Variants in ADGRA3 observed in about 807,000 individuals in gnomAD.
The protein encoded by ADGRA3 is G-protein coupled receptor 125.
In ADGRA3, 56 loss-of-function variants were observed where a neutral mutation model predicts 119.8. The observed-to-expected ratio is 0.47, with a 90% confidence interval of 0.38 to 0.58. The LOEUF is 0.58. Among genes scored for constraint, ADGRA3 ranks in the 20% least tolerant of loss-of-function variants. The pLI, the probability that ADGRA3 is intolerant of heterozygous loss-of-function variation, is 0.00. For synonymous variants in ADGRA3, 607 were observed against 623.8 expected (o/e 0.97, Z 0.40); for missense variants, 1,516 against 1,649.0 (o/e 0.92, Z 1.40).
At chr4:22,472,879 T>C (rs1717904423) in intron 2 of ADGRA3, 1 of 152,158 alleles carries the variant, frequency 6.6e-6, no homozygotes, top group South Asian at 2.1e-4. Flanking sequence ...TTATCCTAAA[T>C]GCATGAGTTA....
chr4:22,450,260 T>A (rs1331713883), intron 4 of ADGRA3, among the ~76,000 whole-genome samples: 1 of 149,964 alleles, frequency 6.7e-6, no homozygotes, highest in Non-Finnish European at 1.5e-5. Context: ...CCCCATCCTT[T>A]ATGCTTCTTT....
intron 4 of ADGRA3, among the ~76,000 whole-genome samples, chr4:22,449,071 G>C (rs1462612967): frequency 6.6e-6 from 1 of 152,036 alleles, no homozygotes; most frequent in African/African-American, 2.4e-5. Context: ...GGGAGTTTGA[G>C]ACCAGCCTGG....
At chr4:22,426,633 T>C (rs1053669243) in intron 10 of ADGRA3, among the ~76,000 whole-genome samples, 2 of 152,204 alleles carry the variant, frequency 1.3e-5, no homozygotes, top group African/African-American at 2.4e-5. Context: ...GTGATTTAGA[T>C]TGTGATAACT....
intron 2 of ADGRA3, among the ~76,000 whole-genome samples, chr4:22,468,768 C>CA (rs534557483): frequency 0.018 from 1,922 of 104,226 alleles, 51 homozygotes; most frequent in African/African-American, 0.059. Flanking sequence ...GACTCTGTCT[C>CA]AAAAAAAAAA....
intron 1 of ADGRA3, among the ~76,000 whole-genome samples, chr4:22,495,561 G>C (rs1440610281): frequency 6.6e-6 from 1 of 152,030 alleles, no homozygotes; most frequent in Non-Finnish European, 1.5e-5. Context: ...CCTGGATAAA[G>C]TGACTTCCAG....
chr4:22,484,442 TAAG>T (rs1158080761), intron 1 of ADGRA3, among the ~76,000 whole-genome samples: 3 of 151,944 alleles, frequency 2.0e-5, no homozygotes, highest in Admixed American at 6.6e-5. Flanking sequence ...CCGTCTCTAC[TAAG>T]AATACAAAAA....
In ADGRA3 at chr4:22,515,995, C is replaced by T. The variant is rs1719657164; in HGVS notation, c.-211G>A. On this transcript the variant is annotated 5_prime_UTR_variant, in exon 1 of 19. Coordinates refer to ENST00000334304, the MANE Select transcript of ADGRA3 (RefSeq NM_145290.4). Reference sequence around the variant, plus strand: ...AGCCGGGGGTCACGGCCGCATGGGTCCCAGCGCCGCTCTACCGCCCGGCGC... The same window carrying T: ...AGCCGGGGGTCACGGCCGCATGGGTTCCAGCGCCGCTCTACCGCCCGGCGC... 1 of 164,686 alleles carries T rather than the reference C, an allele frequency of 6.1e-6. No individual in the cohort carries two copies. The highest frequency in any genetic ancestry group is 6.6e-5 in the Admixed American group (1 of 15,200). The allele number at this position is 164,686 out of a possible 1,614,324, so 10.2% of individuals were successfully genotyped here. A position where few individuals can be genotyped will look rare whatever the true frequency, so the allele number is the denominator to read the frequency against.
intron 12 of ADGRA3, among the ~76,000 whole-genome samples, chr4:22,415,002 T>C (rs909055948): frequency 5.9e-5 from 9 of 151,384 alleles, no homozygotes; most frequent in East Asian, 5.8e-4. Flanking sequence ...CCTCAGTATA[T>C]TGCATCTTCA....
intron 17 of ADGRA3, among the ~76,000 whole-genome samples, chr4:22,391,198 C>G (rs1714122248): frequency 6.6e-6 from 1 of 152,130 alleles, no homozygotes; most frequent in South Asian, 2.1e-4. Context: ...TCTCCTGCTC[C>G]TCCTAGACAA....
intron 14 of ADGRA3, among the ~76,000 whole-genome samples, chr4:22,406,685 A>C (rs905530549): frequency 1.3e-5 from 2 of 152,008 alleles, no homozygotes; most frequent in African/African-American, 4.8e-5. Flanking sequence ...GTTCCTTATT[A>C]TTCTGTTATT....
chr4:22,501,984 G>C (rs1719063165), intron 1 of ADGRA3, among the ~76,000 whole-genome samples: 1 of 151,932 alleles, frequency 6.6e-6, no homozygotes, highest in African/African-American at 2.4e-5. Context: ...AGTTCACTAA[G>C]GTTCTTTAAG....
chr4:22,403,803 G>C (rs1714774549), intron 14 of ADGRA3, among the ~76,000 whole-genome samples: 2 of 152,122 alleles, frequency 1.3e-5, no homozygotes, highest in African/African-American at 4.8e-5. Context: ...TAGAACATTA[G>C]ACATTGACTG....
At chr4:22,507,452 G>A (rs774042835) in intron 1 of ADGRA3, among the ~76,000 whole-genome samples, 14 of 152,196 alleles carry the variant, frequency 9.2e-5, no homozygotes, top group South Asian at 2.1e-4. Flanking sequence ...ACTACATCCC[G>A]TGTCATTTTC....
chr4:22,434,976 G>A lies in ADGRA3; in HGVS notation c.1443+335C>T, dbSNP rs564699888. Among the ~76,000 whole-genome samples, 14 of 152,338 alleles carry A rather than the reference G, an allele frequency of 9.2e-5. No homozygotes were observed. The South Asian group carries it at 2.9e-3, about 32-fold the overall frequency. ...TTACAAAAGATGAGCACGAGGATAT[G>A]TGGAGAAGAGAAATCCAGCAGGCTG... On this transcript the variant is annotated intron_variant, in intron 10 of 18. Transcript: ENST00000334304.
chr4:22,457,072 T>A (rs180743463), intron 3 of ADGRA3, among the ~76,000 whole-genome samples: 1 of 152,310 alleles, frequency 6.6e-6, no homozygotes, highest in Admixed American at 6.5e-5. Context: ...AGTGGTGCAA[T>A]CACCATTGAT....
chr4:22,509,065 A>G (rs1270527596), intron 1 of ADGRA3, among the ~76,000 whole-genome samples: 1 of 152,136 alleles, frequency 6.6e-6, no homozygotes, highest in Non-Finnish European at 1.5e-5. Context: ...GGATTGCACC[A>G]GGTTCAAGAA....
At chr4:22,447,637 G>T in intron 4 of ADGRA3, 126 bp from the exon 5 acceptor site, 1 of 541,152 alleles carries the variant, frequency 1.8e-6, no homozygotes, top group Non-Finnish European at 3.2e-6. Flanking sequence ...AAGTTTCAAT[G>T]CTTATAAAGA....
In ADGRA3 at chr4:22,413,075, T is replaced by TAAAAA. The variant is rs74406494; in HGVS notation, c.2232+102_2232+106dup. On this transcript the variant is annotated intron_variant, in intron 14 of 18. Coordinates refer to ENST00000334304, the MANE Select transcript of ADGRA3 (RefSeq NM_145290.4). Reference sequence around the variant, plus strand: ...CAAAGGGAGCAAATTATGTTAAAAGTAAAAAAAAAAAAAAAACAAAAAACA... The same window carrying TAAAAA: ...CAAAGGGAGCAAATTATGTTAAAAGTAAAAAAAAAAAAAAAAAAAAACAAAAAACA... The TAAAAA allele has an allele frequency of 5.0e-4, 362 of 727,636 alleles. 3 individuals are homozygous for TAAAAA. The highest frequency in any genetic ancestry group is 1.3e-3 in the South Asian group (68 of 51,692). The allele number at this position is 727,636 out of a possible 1,614,324, so 45.1% of individuals were successfully genotyped here.
chr4:22,483,986 A>T (rs951585534), intron 1 of ADGRA3, among the ~76,000 whole-genome samples: 3 of 151,596 alleles, frequency 2.0e-5, no homozygotes, highest in Non-Finnish European at 4.4e-5. Context: ...GCATGATTAC[A>T]TTTTTTTTAA....
Sources: gnomAD v4.1 joint callset for allele counts (sites outside exome capture counted in the v4.1 genomes callset) on GRCh38, gnomAD v4.1.1 for gene constraint, MANE v1.5 for transcripts, NCBI Gene and HGNC (gene_info 2026-07-23, HGNC 2026-07-21) for gene names.